Variants in SNAP91 observed in about 807,000 individuals in gnomAD.
SNAP91 encodes synaptosome associated protein 91.
Under a neutral mutation model 100.3 loss-of-function variants are expected in SNAP91, and 27 were observed. That is an observed-to-expected ratio of 0.27 (90% CI 0.20 to 0.37). The LOEUF is 0.37. Ranked by LOEUF, SNAP91 falls within the 10% of genes least tolerant of loss-of-function variation. The probability of loss-of-function intolerance (pLI) is 1.00; values close to 1 mark genes in which losing one functional copy is unlikely to be tolerated. For synonymous variants in SNAP91, 404 were observed against 398.6 expected, an observed-to-expected ratio of 1.01 and a Z score of -0.16; for missense variants, 986 against 1,123.7, an observed-to-expected ratio of 0.88 and a Z score of 1.75.
intron 2 of SNAP91, among the ~76,000 whole-genome samples, chr6:83,681,417 T>A (rs551838842): frequency 6.6e-6 from 1 of 152,260 alleles, no homozygotes; most frequent in South Asian, 2.1e-4. Context: ...AGCCCTGCTG[T>A]CCAAAGAGAA....
Position 83,592,472 on chromosome 6 carries a change from A to G in SNAP91, c.1913T>C (p.Val638Ala). Residue 638 changes from valine to alanine, a missense_variant, in exon 21 of 30, where the codon GTC becomes GCC. By Grantham distance (64) the Val-to-Ala change is moderately conservative. This residue lies in a region of SNAP91 where 575 missense variants were observed against 579.9 expected (regional missense o/e 0.99). Transcript: ENST00000369694. The stretch of plus-strand genomic sequence containing the variant: ...ATACGCACCCCCAAAAAGGTCTATG[A>G]CACCTGAAGAATCCACCTTTGCTGG... ...ASPAKVDSSG[V>A]IDLFGDAFGS... The G allele has an allele frequency of 6.2e-7, 1 of 1,611,990 alleles. No homozygotes were observed. The highest frequency in any genetic ancestry group is 8.5e-7 in the Non-Finnish European group (1 of 1,178,906).
intron 7 of SNAP91, among the ~76,000 whole-genome samples, chr6:83,650,503 C>T: frequency 6.6e-6 from 1 of 152,182 alleles, no homozygotes; most frequent in East Asian, 1.9e-4. Context: ...ACTGCAACCT[C>T]CACCTCCTGG....
intron 11 of SNAP91, among the ~76,000 whole-genome samples, chr6:83,612,894 CAAA>C (rs11451494): frequency 1.1e-5 from 1 of 94,290 alleles, no homozygotes; most frequent in African/African-American, 4.4e-5. Flanking sequence ...GACTCAGTCT[CAAA>C]AAAAAAAAAA....
intron 26 of SNAP91, among the ~76,000 whole-genome samples, chr6:83,572,271 AG>A (rs1357499129): frequency 3.3e-5 from 5 of 152,084 alleles, no homozygotes. Flanking sequence ...TTTTTGAGAC[AG>A]GGACTCACTG....
intron 26 of SNAP91, among the ~76,000 whole-genome samples, chr6:83,570,064 G>A (rs546845115): frequency 5.6e-4 from 85 of 152,268 alleles, no homozygotes; most frequent in African/African-American, 1.3e-3. Context: ...AACAGGCAGA[G>A]GTTGGGACAG....
intron 2 of SNAP91, chr6:83,686,084 T>C (rs2099056571): frequency 4.9e-6 from 4 of 820,800 alleles, no homozygotes; most frequent in Non-Finnish European, 5.9e-6. Context: ...CAGTAGACAC[T>C]GATTAAATGT....
intron 2 of SNAP91, among the ~76,000 whole-genome samples, chr6:83,688,868 T>C (rs868482728): frequency 1.3e-5 from 2 of 152,178 alleles, no homozygotes; most frequent in East Asian, 3.9e-4. Flanking sequence ...ACCACCACGA[T>C]AGCACTTATA....
At chr6:83,557,064 G>C (rs929162754) in intron 28 of SNAP91, among the ~76,000 whole-genome samples, 1 of 152,112 alleles carries the variant, frequency 6.6e-6, no homozygotes, top group Non-Finnish European at 1.5e-5. Flanking sequence ...AACTTGCCTT[G>C]TTTCTGTTTA....
intron 4 of SNAP91, 89 bp from the exon 5 acceptor site, chr6:83,661,693 A>C: frequency 1.5e-6 from 1 of 658,512 alleles, no homozygotes; most frequent in Non-Finnish European, 2.6e-6. Context: ...AACTCTCTAA[A>C]TGGTGATAGT....
At chr6:83,568,654 T>A (rs1801184732) in intron 26 of SNAP91, among the ~76,000 whole-genome samples, 1 of 152,142 alleles carries the variant, frequency 6.6e-6, no homozygotes, top group African/African-American at 2.4e-5. Flanking sequence ...TAACTTGGGT[T>A]CTGTGATCTG....
chr6:83,662,375 G>A lies in SNAP91; in HGVS notation c.321C>T (p.Ser107=). The change falls in exon 4 of 30, where the codon AGC becomes AGT. Residue 107 remains serine, a synonymous_variant. Transcript: ENST00000369694. ...GGGATCCACTTTTGTCCAAAAAATT[G>A]CTGAGATTGAATAGTGTATTTCTAG... ...LASRNTLFNL[S]NFLDKSGSHG... 12 of 1,436,818 alleles carry A rather than the reference G, an allele frequency of 8.4e-6. No homozygotes were observed. Among genetic ancestry groups the A allele is most frequent in the Non-Finnish European group, 1.0e-5 (11 of 1,079,450 alleles). 89.0% of individuals were successfully genotyped at this position (1,436,818 alleles called of 1,614,324 possible). A position where few individuals can be genotyped will look rare whatever the true frequency, so the allele number is the denominator to read the frequency against.
At chr6:83,561,078 C>T in intron 26 of SNAP91, 131 bp from the exon 27 acceptor site, 1 of 639,540 alleles carries the variant, frequency 1.6e-6, no homozygotes, top group Non-Finnish European at 2.6e-6. Context: ...GGTCTCACTG[C>T]ATTGCCCAGG....
chr6:83,565,671 A>G (rs1469931209), intron 26 of SNAP91, among the ~76,000 whole-genome samples: 1 of 152,210 alleles, frequency 6.6e-6, no homozygotes, highest in African/African-American at 2.4e-5. Context: ...ACCTTTCTCT[A>G]AAGAAGATAT....
At chr6:83,586,570 C>A (rs546883275) in intron 22 of SNAP91, among the ~76,000 whole-genome samples, 18 of 152,170 alleles carry the variant, frequency 1.2e-4, no homozygotes, top group Non-Finnish European at 2.1e-4. Flanking sequence ...CCTTTGTCAT[C>A]CAGTAGTCTG....
chr6:83,589,511 T>C (rs1287074061), intron 22 of SNAP91, among the ~76,000 whole-genome samples: 2 of 152,342 alleles, frequency 1.3e-5, no homozygotes, highest in Admixed American at 6.5e-5. Flanking sequence ...AAATTTCTTA[T>C]GCTAGCTTCT....
chr6:83,707,665 A>AT, intron 2 of SNAP91, 133 bp downstream of exon 2: 2 of 1,225,756 alleles, frequency 1.6e-6, no homozygotes, highest in South Asian at 2.9e-5. Flanking sequence ...CAGCTGAAGA[A>AT]TTTCAGCTCA....
chr6:83,641,231 G>A, intron 7 of SNAP91, 29 bp from the exon 8 acceptor site: 1 of 1,013,540 alleles, frequency 9.9e-7, no homozygotes, highest in Non-Finnish European at 1.4e-6. Flanking sequence ...TAAGCAATTT[G>A]AAAAGAGTAT....
intron 2 of SNAP91, among the ~76,000 whole-genome samples, chr6:83,693,351 C>T (rs577600095): frequency 2.6e-5 from 4 of 152,290 alleles, no homozygotes; most frequent in South Asian, 2.1e-4. Flanking sequence ...CTCCACACAT[C>T]GGCCTCTCCT....
intron 29 of SNAP91, among the ~76,000 whole-genome samples, chr6:83,555,050 T>C (rs890750161): frequency 6.6e-6 from 1 of 152,188 alleles, no homozygotes; most frequent in Admixed American, 6.5e-5. Flanking sequence ...AAGAGGTGAA[T>C]ACAGGCTGCT....
Sources: allele counts gnomAD v4.1 joint callset (sites outside exome capture counted in the v4.1 genomes callset), GRCh38; gene constraint gnomAD v4.1.1; regional missense constraint gnomAD v4.1.1; transcripts MANE v1.5; gene names NCBI Gene and HGNC (gene_info 2026-07-23, HGNC 2026-07-21).